OCA2: variants seen among roughly 807,000 people sequenced by gnomAD.
The protein encoded by OCA2 is OCA2 melanosomal transmembrane protein, also known as P protein.
OCA2 carries 77 observed loss-of-function variants against 100.2 expected under a neutral mutation model. The ratio of observed to expected loss-of-function variants is 0.77; its 90% CI spans 0.64 to 0.93. The LOEUF is 0.93. Ranked by LOEUF, OCA2 falls within the 40% of genes least tolerant of loss-of-function variation. OCA2 has a pLI of 0.00. For missense variants in OCA2, 1,062 were observed against 1,089.1 expected, an observed-to-expected ratio of 0.98 and a Z score of 0.35; for synonymous variants, 432 against 439.2, an observed-to-expected ratio of 0.98 and a Z score of 0.21.
chr15:27,940,116 C>T (rs1323030966), intron 18 of OCA2, among the ~76,000 whole-genome samples: 1 of 152,158 alleles, frequency 6.6e-6, no homozygotes, highest in Non-Finnish European at 1.5e-5. Flanking sequence ...AAATAGAATG[C>T]ATTTCTGATT....
At chr15:27,887,931 A>G (rs999758571) in intron 19 of OCA2, among the ~76,000 whole-genome samples, 1 of 151,488 alleles carries the variant, frequency 6.6e-6, no homozygotes, top group Non-Finnish European at 1.5e-5. Flanking sequence ...TGGTGAGTGG[A>G]CAGAACCTGA....
chr15:27,728,451 G>A, the OCA2 span, among the ~76,000 whole-genome samples: 3 of 151,726 alleles, frequency 2.0e-5, no homozygotes, highest in Admixed American at 2.0e-4. Context: ...CCTGTTTCCT[G>A]CCAGTAGAAT....
rs1239183756 is a variant in OCA2, at chr15:28,008,134, A to T, written c.1044+6642T>A. ...AAAAGCAACCAACAACAGACACAAT[A>T]AGTGAGATGGAGCGCCCACGACAAA... On this transcript the variant is annotated intron_variant, in intron 9 of 23. Coordinates refer to ENST00000354638, the MANE Select transcript of OCA2 (RefSeq NM_000275.3). 2.6e-5 allele frequency among the ~76,000 whole-genome samples: 4 copies of T among 152,202 alleles called. No individual in the cohort carries two copies. The East Asian group carries it at 7.7e-4, about 29-fold the overall frequency.
chr15:27,857,415 T>C (rs1414141340), intron 21 of OCA2, among the ~76,000 whole-genome samples: 7 of 152,054 alleles, frequency 4.6e-5, no homozygotes, highest in Admixed American at 1.3e-4. Flanking sequence ...GACTAGGGAA[T>C]GGGGAATTAT....
chr15:27,742,838 A>G, the OCA2 span, among the ~76,000 whole-genome samples: 1 of 152,180 alleles, frequency 6.6e-6, no homozygotes, highest in Non-Finnish European at 1.5e-5. Context: ...GAAGCAGCAC[A>G]CATGGCCGTG....
intron 5 of OCA2, among the ~76,000 whole-genome samples, chr15:28,022,833 G>C (rs1278807708): frequency 6.6e-6 from 1 of 152,158 alleles, no homozygotes; most frequent in East Asian, 1.9e-4. Context: ...AATCATCGAA[G>C]AAGGATAAAT....
chr15:27,885,443 C>T (rs907174518), intron 19 of OCA2, among the ~76,000 whole-genome samples: 2 of 152,188 alleles, frequency 1.3e-5, no homozygotes, highest in Non-Finnish European at 2.9e-5. Flanking sequence ...AACAGGCCTG[C>T]ATGGAGAATT....
chr15:27,935,264 G>C (rs907107250), intron 18 of OCA2, among the ~76,000 whole-genome samples: 2 of 152,138 alleles, frequency 1.3e-5, no homozygotes, highest in African/African-American at 2.4e-5. Context: ...TTATCCTGTG[G>C]AGCTTCTATC....
intron 23 of OCA2, among the ~76,000 whole-genome samples, chr15:27,767,232 T>C (rs1184531928): frequency 1.3e-5 from 2 of 152,196 alleles, no homozygotes; most frequent in Admixed American, 6.5e-5. Context: ...TGAGGACCCA[T>C]GGACTGACCC....
At chr15:27,873,448 A>C (rs1345066882) in intron 19 of OCA2, among the ~76,000 whole-genome samples, 1 of 152,274 alleles carries the variant, frequency 6.6e-6, no homozygotes, top group East Asian at 1.9e-4. Context: ...AACACTTTAA[A>C]ATTGAAAAAA....
At chr15:27,806,294 T>A (rs1434104888) in intron 23 of OCA2, among the ~76,000 whole-genome samples, 1 of 152,236 alleles carries the variant, frequency 6.6e-6, no homozygotes, top group Non-Finnish European at 1.5e-5. Context: ...TTTTTCATTG[T>A]GCTTTAAGAT....
intron 23 of OCA2, among the ~76,000 whole-genome samples, chr15:27,795,045 A>C (rs2033267581): frequency 6.6e-6 from 1 of 152,162 alleles, no homozygotes; most frequent in Non-Finnish European, 1.5e-5. Flanking sequence ...GCTGATTTCC[A>C]ATTTGTTAAT....
chr15:28,029,021 G>A (rs543538923), intron 3 of OCA2, among the ~76,000 whole-genome samples: 3 of 152,252 alleles, frequency 2.0e-5, no homozygotes, highest in African/African-American at 7.2e-5. Context: ...GACCTGATCA[G>A]TTCCTTCAGT....
chr15:27,892,579 A>G (rs1034173525), intron 19 of OCA2, among the ~76,000 whole-genome samples: 1 of 152,180 alleles, frequency 6.6e-6, no homozygotes, highest in Non-Finnish European at 1.5e-5. Flanking sequence ...ACAAAACTTT[A>G]TAACACTAAA....
chr15:28,024,808 G>A (rs1314668484), intron 5 of OCA2, 37 bp downstream of exon 5: 19 of 1,611,420 alleles, frequency 1.2e-5, no homozygotes, highest in Non-Finnish European at 1.6e-5. Context: ...GGCTTCCACG[G>A]ACCCAACAGT....
intron 18 of OCA2, among the ~76,000 whole-genome samples, chr15:27,937,447 T>A (rs756747472): frequency 2.0e-5 from 3 of 152,228 alleles, no homozygotes; most frequent in Non-Finnish European, 2.9e-5. Context: ...GCAGAAGATA[T>A]ACATTGTTCT....
chr15:27,729,345 T>C, the OCA2 span, among the ~76,000 whole-genome samples: 3 of 151,740 alleles, frequency 2.0e-5, no homozygotes, highest in Middle Eastern at 3.2e-3. Context: ...TTGAGACTTT[T>C]TGTCATCTCA....
intron 23 of OCA2, among the ~76,000 whole-genome samples, chr15:27,771,360 G>C (rs1015608012): frequency 4.0e-5 from 6 of 150,670 alleles, no homozygotes; most frequent in Admixed American, 3.3e-4. Context: ...CCCTGCCTGC[G>C]AGAGGCCCCG....
intron 21 of OCA2, among the ~76,000 whole-genome samples, chr15:27,856,608 G>A (rs1266993469): frequency 1.3e-5 from 2 of 151,942 alleles, no homozygotes; most frequent in Non-Finnish European, 2.9e-5. Flanking sequence ...ACAGAGGCTG[G>A]CCATTGTTTC....
Sources: gnomAD v4.1 joint callset for allele counts (sites outside exome capture counted in the v4.1 genomes callset) on GRCh38, gnomAD v4.1.1 for gene constraint, MANE v1.5 for transcripts, NCBI Gene and HGNC (gene_info 2026-07-23, HGNC 2026-07-21) for gene names.